Variants in KCNK18 observed in about 807,000 individuals in gnomAD.
KCNK18 encodes the protein potassium channel subfamily K member 18.
A neutral mutation model predicts 11.8 loss-of-function variants in KCNK18; 8 were observed. The observed-to-expected ratio is 0.68, with a 90% CI of 0.40 to 1.22. The LOEUF (loss-of-function observed/expected upper bound fraction) is 1.22, where lower values mean the gene tolerates loss of function less well. Ranked by LOEUF, KCNK18 falls within the 50% of genes most tolerant of loss-of-function variation. The pLI, the probability that KCNK18 is intolerant of heterozygous loss-of-function variation, is 0.01. For synonymous variants in KCNK18, 208 were observed against 185.8 expected (o/e 1.12, Z -0.97); for missense variants, 442 against 465.4 (o/e 0.95, Z 0.46).
chr10:117,203,593 G>A (rs1456874709), intron 2 of KCNK18, among the ~76,000 whole-genome samples: 1 of 152,240 alleles, frequency 6.6e-6, no homozygotes, highest in African/African-American at 2.4e-5. Context: ...AGACTGGAGT[G>A]CAATGGTGCC....
intron 2 of KCNK18, among the ~76,000 whole-genome samples, chr10:117,203,700 C>A (rs1172668065): frequency 1.3e-5 from 2 of 152,186 alleles, no homozygotes; most frequent in African/African-American, 4.8e-5. Context: ...CCATGCATGG[C>A]TAATTTTTGT....
chr10:117,202,885 G>GTTTTTTTTTTTTTTTT (rs750157980), intron 2 of KCNK18, among the ~76,000 whole-genome samples: 2 of 111,294 alleles, frequency 1.8e-5, no homozygotes. Context: ...TTGCCTGAAT[G>GTTTTTTTTTTTTTTTT]CTTTTTTTTT....
intron 2 of KCNK18, 132 bp from the exon 3 acceptor site, chr10:117,209,360 TTGAGA>T: frequency 1.2e-6 from 1 of 819,044 alleles, no homozygotes; most frequent in Non-Finnish European, 2.1e-6. Flanking sequence ...GCTGAATGCT[TTGAGA>T]TGAGTATTTT....
At chr10:117,199,638 G>C (rs1245464230) in intron 1 of KCNK18, among the ~76,000 whole-genome samples, 2 of 152,166 alleles carry the variant, frequency 1.3e-5, no homozygotes, top group Non-Finnish European at 2.9e-5. Context: ...CCATGTATCT[G>C]GATTCCAGAG....
chr10:117,208,653 C>T (rs2619110), intron 2 of KCNK18, among the ~76,000 whole-genome samples: 110,780 of 151,894 alleles, frequency 0.73, 40,967 homozygotes, highest in Middle Eastern at 0.8. Flanking sequence ...TTTTTCCTAA[C>T]ACTGTGCACA....
At chr10:117,208,685 C>T (rs929724714) in intron 2 of KCNK18, among the ~76,000 whole-genome samples, 7 of 151,804 alleles carry the variant, frequency 4.6e-5, no homozygotes, top group African/African-American at 1.7e-4. Flanking sequence ...ACCATGGGAA[C>T]ACAATAAGTG....
rs375122330 is a variant in KCNK18 at position 117,209,521 on chromosome 10, C to T, written c.377C>T (p.Thr126Ile). ...GGCTATGGCTACATCTACCCCGTCA[C>T]CAGGCTTGGCAAGTACTTGTGCATG... is the stretch of plus-strand genomic sequence containing the variant. ...TVGYGYIYPV[T>I]RLGKYLCMLY... is the part of the protein sequence containing the mutation. Residue 126 changes from threonine to isoleucine, a missense_variant, in exon 3 of 3, where the codon ACC (threonine) becomes ATC (isoleucine). By Grantham distance (89) the Thr-to-Ile change is moderately conservative (BLOSUM62 -1). Coordinates refer to ENST00000334549, the MANE Select transcript of KCNK18 (RefSeq NM_181840.1). The T allele has an allele frequency of 6.2e-6, 10 of 1,614,072 alleles. No homozygotes were observed. The highest frequency in any genetic ancestry group is 1.6e-4 in the Middle Eastern group (1 of 6,084).
At chr10:117,209,128 G>A (rs1352135864) in intron 2 of KCNK18, among the ~76,000 whole-genome samples, 1 of 152,170 alleles carries the variant, frequency 6.6e-6, no homozygotes, top group East Asian at 1.9e-4. Flanking sequence ...TCTCTCACTT[G>A]TACTCATCCT....
At chr10:117,200,011 A>G (rs573304258) in intron 1 of KCNK18, among the ~76,000 whole-genome samples, 2 of 152,206 alleles carry the variant, frequency 1.3e-5, no homozygotes, top group Non-Finnish European at 2.9e-5. Context: ...GCTCTGTAGG[A>G]GACACTCACA....
At chr10:117,206,835 C>A (rs990351226) in intron 2 of KCNK18, among the ~76,000 whole-genome samples, 1 of 152,184 alleles carries the variant, frequency 6.6e-6, no homozygotes, top group Non-Finnish European at 1.5e-5. Flanking sequence ...CCCAGTCACC[C>A]CCTTGGTATA....
Position 117,210,100 on chromosome 10 carries a change from T to C in KCNK18, c.956T>C (p.Val319Ala), listed in dbSNP as rs1365392725. 4.3e-6 allele frequency: 7 copies of C among 1,614,248 alleles called. No homozygotes were observed. The highest frequency in any genetic ancestry group is 5.9e-6 in the Non-Finnish European group (7 of 1,180,048). The change falls in exon 3 of 3, where the codon GTC becomes GCC. Residue 319 changes from valine (V) to alanine (A), a missense_variant. Transcript: ENST00000334549. Reference protein sequence around the residue: ...DFENAFYFCFVTLTTIGFGDT... With the variant: ...DFENAFYFCFATLTTIGFGDT... ...GAGAATGCCTTCTATTTCTGCTTTG[T>C]CACACTCACCACCATTGGGTTTGGG...
intron 2 of KCNK18, 29 bp downstream of exon 2, chr10:117,201,316 G>A (rs369740057): frequency 1.7e-5 from 28 of 1,609,600 alleles, no homozygotes; most frequent in Middle Eastern, 3.9e-4. Flanking sequence ...TCCCCCTCAC[G>A]GTGGCCCTGT....
intron 1 of KCNK18, among the ~76,000 whole-genome samples, chr10:117,198,747 C>A (rs1854980298): frequency 6.6e-6 from 1 of 152,296 alleles, no homozygotes; most frequent in African/African-American, 2.4e-5. Context: ...CTCCCAGAGA[C>A]AAGAGGCCAG....
chr10:117,198,770 G>A (rs1306889783), intron 1 of KCNK18, among the ~76,000 whole-genome samples: 2 of 152,176 alleles, frequency 1.3e-5, no homozygotes, highest in African/African-American at 4.8e-5. Context: ...CAGGGAGGCA[G>A]AGTCTCCTGT....
chr10:117,205,157 G>C (rs79018241), intron 2 of KCNK18, among the ~76,000 whole-genome samples: 15 of 152,128 alleles, frequency 9.9e-5, no homozygotes, highest in Non-Finnish European at 2.2e-4. Flanking sequence ...CTGTGAGGCC[G>C]GTCAATCCCG....
At chr10:117,208,541 A>G (rs988875921) in intron 2 of KCNK18, among the ~76,000 whole-genome samples, 6 of 152,192 alleles carry the variant, frequency 3.9e-5, no homozygotes, top group Admixed American at 1.3e-4. Flanking sequence ...AGATGCTGGG[A>G]GGCTAATGGC....
At chr10:117,208,282 T>A (rs1855100986) in intron 2 of KCNK18, among the ~76,000 whole-genome samples, 1 of 152,172 alleles carries the variant, frequency 6.6e-6, no homozygotes, top group Non-Finnish European at 1.5e-5. Context: ...CTATGAAGGC[T>A]GACTGACACC....
At chr10:117,208,809 T>C (rs376364546) in intron 2 of KCNK18, among the ~76,000 whole-genome samples, 1 of 151,830 alleles carries the variant, frequency 6.6e-6, no homozygotes, top group Non-Finnish European at 1.5e-5. Context: ...GGCACAATCT[T>C]GGCTCACTGC....
chr10:117,199,286 C>G (rs1371234700), intron 1 of KCNK18, among the ~76,000 whole-genome samples: 2 of 152,160 alleles, frequency 1.3e-5, no homozygotes, highest in African/African-American at 4.8e-5. Context: ...TGCCATTGCA[C>G]TCCAGCCTGG....
Sources: allele counts gnomAD v4.1 joint callset (sites outside exome capture counted in the v4.1 genomes callset), GRCh38; gene constraint gnomAD v4.1.1; transcripts MANE v1.5; gene names NCBI Gene and HGNC (gene_info 2026-07-23, HGNC 2026-07-21).